The following KHDRBS2 variants were observed in gnomAD, a reference collection of about 807,000 sequenced individuals.
KHDRBS2 encodes KH RNA binding domain containing, signal transduction associated 2.
Under a neutral mutation model 44.3 loss-of-function variants are expected in KHDRBS2, and 26 were observed. The ratio of observed to expected loss-of-function variants is 0.59; its 90% CI spans 0.43 to 0.81. The LOEUF (loss-of-function observed/expected upper bound fraction) is 0.81, where lower values mean the gene tolerates loss of function less well. KHDRBS2 is among the 40% of genes least tolerant of loss of function. The pLI, the probability that KHDRBS2 is intolerant of heterozygous loss-of-function variation, is 0.00. For synonymous variants in KHDRBS2, 194 were observed against 151.1 expected, an observed-to-expected ratio of 1.28 and a Z score of -2.08; for missense variants, 476 against 433.1, an observed-to-expected ratio of 1.10 and a Z score of -0.88.
chr6:61,823,895 A>G (rs1790412316), intron 6 of KHDRBS2, among the ~76,000 whole-genome samples: 1 of 152,160 alleles, frequency 6.6e-6, no homozygotes, highest in Non-Finnish European at 1.5e-5. Flanking sequence ...ATAATGTCTG[A>G]AATAACATGC....
At chr6:61,744,791 G>A (rs1405196992) in intron 6 of KHDRBS2, among the ~76,000 whole-genome samples, 2 of 152,008 alleles carry the variant, frequency 1.3e-5, no homozygotes, top group Admixed American at 1.3e-4. Context: ...GTACAAGCCA[G>A]TAATCTTTTC....
At chr6:61,809,460 A>C (rs1268082313) in intron 6 of KHDRBS2, among the ~76,000 whole-genome samples, 1 of 152,108 alleles carries the variant, frequency 6.6e-6, no homozygotes, top group Non-Finnish European at 1.5e-5. Context: ...ATGCTTAGCT[A>C]TTGTAATATC....
chr6:62,247,138 A>G lies in KHDRBS2; in HGVS notation c.91+38720T>C, dbSNP rs375063146. ...GGATACCAGCAGTATTAAAGTTAACATTTCTGGGCATTTAAAAATCTACCT... is the reference window on the plus strand; with the variant it reads ...GGATACCAGCAGTATTAAAGTTAACGTTTCTGGGCATTTAAAAATCTACCT... On this transcript the variant is annotated intron_variant, in intron 1 of 8. Coordinates refer to ENST00000281156, the MANE Select transcript of KHDRBS2 (RefSeq NM_152688.4). Among the ~76,000 whole-genome samples, 305 of 152,086 alleles carry G rather than the reference A, an allele frequency of 2.0e-3. 10 individuals carry two copies. The South Asian group carries it at 0.06, about 30-fold the overall frequency.
chr6:61,678,353 T>C (rs1006322442), downstream of KHDRBS2, among the ~76,000 whole-genome samples: 4 of 151,978 alleles, frequency 2.6e-5, no homozygotes, highest in African/African-American at 9.7e-5. Flanking sequence ...ACTCCGTAAC[T>C]ATCTGCTAAA....
chr6:61,917,278 T>G (rs372119617), intron 4 of KHDRBS2, among the ~76,000 whole-genome samples: 3 of 151,736 alleles, frequency 2.0e-5, no homozygotes, highest in African/African-American at 7.3e-5. Flanking sequence ...AATAAATGAG[T>G]TTGTATGAAG....
the KHDRBS2 span, among the ~76,000 whole-genome samples, chr6:61,672,661 T>C: frequency 6.6e-6 from 1 of 152,142 alleles, no homozygotes; most frequent in Admixed American, 6.6e-5. Context: ...GAAGTGTCTG[T>C]TCATGTCCTT....
the KHDRBS2 span, among the ~76,000 whole-genome samples, chr6:61,645,221 G>A: frequency 3.0e-4 from 46 of 152,036 alleles, no homozygotes; most frequent in East Asian, 7.8e-3. Flanking sequence ...AACAGAAAAT[G>A]AAATATCACA....
intron 6 of KHDRBS2, among the ~76,000 whole-genome samples, chr6:61,760,294 C>T (rs577707135): frequency 6.6e-6 from 1 of 152,160 alleles, no homozygotes; most frequent in Non-Finnish European, 1.5e-5. Flanking sequence ...GTTATTGATA[C>T]TAGTAAACCA....
chr6:62,182,612 T>C lies in KHDRBS2; in HGVS notation c.92-5300A>G, dbSNP rs1292350712. 3.3e-5 allele frequency among the ~76,000 whole-genome samples: 5 copies of C among 152,070 alleles called. No homozygotes were observed. The East Asian group carries it at 7.7e-4, about 24-fold the overall frequency. On this transcript the variant is annotated intron_variant, in intron 1 of 8. Coordinates refer to ENST00000281156, the MANE Select transcript of KHDRBS2 (RefSeq NM_152688.4). ...TATATATTACATATGTACAGCTTTTTGTATGTCAGCCATATCTCAATAAAG... is the reference window on the plus strand; with the variant it reads ...TATATATTACATATGTACAGCTTTTCGTATGTCAGCCATATCTCAATAAAG...
chr6:62,092,160 A>C (rs1254361061), intron 2 of KHDRBS2, among the ~76,000 whole-genome samples: 1 of 151,464 alleles, frequency 6.6e-6, no homozygotes, highest in Non-Finnish European at 1.5e-5. Context: ...CCAGCTCTCT[A>C]CCATTTCCAG....
chr6:62,082,193 C>A (rs1415757385), intron 2 of KHDRBS2, among the ~76,000 whole-genome samples: 1 of 151,998 alleles, frequency 6.6e-6, no homozygotes, highest in African/African-American at 2.4e-5. Context: ...GTTAATCTGA[C>A]TTCCAGACTA....
the KHDRBS2 span, among the ~76,000 whole-genome samples, chr6:61,615,233 CAAAAAA>C: frequency 1.7e-5 from 1 of 58,594 alleles, no homozygotes; most frequent in Non-Finnish European, 3.1e-5. Flanking sequence ...ACTCCATCTC[CAAAAAA>C]AAAAAAAAAA....
At chr6:61,583,831 T>C in the KHDRBS2 span, among the ~76,000 whole-genome samples, 16 of 151,658 alleles carry the variant, frequency 1.1e-4, no homozygotes, top group Admixed American at 5.3e-4. Context: ...TATTGAGTCT[T>C]CCAACCCATA....
chr6:62,152,212 G>C (rs915625075), intron 2 of KHDRBS2, among the ~76,000 whole-genome samples: 1 of 152,064 alleles, frequency 6.6e-6, no homozygotes, highest in African/African-American at 2.4e-5. Flanking sequence ...CCAGCTTCTC[G>C]GGAGGCTGAG....
intron 6 of KHDRBS2, among the ~76,000 whole-genome samples, chr6:61,807,099 A>T (rs1787280162): frequency 6.6e-6 from 1 of 152,168 alleles, no homozygotes; most frequent in South Asian, 2.1e-4. Context: ...ATCATTAGCA[A>T]AATGCAAATC....
At chr6:62,105,329 C>A (rs1187215102) in intron 2 of KHDRBS2, among the ~76,000 whole-genome samples, 1 of 152,120 alleles carries the variant, frequency 6.6e-6, no homozygotes, top group Non-Finnish European at 1.5e-5. Flanking sequence ...ACACAAATAT[C>A]CCTTATGAAC....
At chr6:61,768,096 T>A (rs1780272263) in intron 6 of KHDRBS2, among the ~76,000 whole-genome samples, 1 of 152,162 alleles carries the variant, frequency 6.6e-6, no homozygotes, top group Non-Finnish European at 1.5e-5. Context: ...TTGAAGCATA[T>A]TTTTACTGGC....
intron 2 of KHDRBS2, among the ~76,000 whole-genome samples, chr6:62,089,105 C>T (rs1325027744): frequency 6.6e-6 from 1 of 152,096 alleles, no homozygotes; most frequent in Non-Finnish European, 1.5e-5. Context: ...TGACTTCAGA[C>T]TGCTGTGCTG....
chr6:62,224,147 G>A (rs1378312794), intron 1 of KHDRBS2, among the ~76,000 whole-genome samples: 1 of 152,168 alleles, frequency 6.6e-6, no homozygotes, highest in Admixed American at 6.5e-5. Context: ...GGAGGCCTCA[G>A]AATCATGGCA....
Sources: allele counts gnomAD v4.1 joint callset (sites outside exome capture counted in the v4.1 genomes callset), GRCh38; gene constraint gnomAD v4.1.1; transcripts MANE v1.5; gene names NCBI Gene and HGNC (gene_info 2026-07-23, HGNC 2026-07-21).